CTTNBP2: variants seen among roughly 807,000 people sequenced by gnomAD.
CTTNBP2 encodes cortactin-binding protein 2.
A neutral mutation model predicts 156.9 loss-of-function variants in CTTNBP2; 108 were observed. That is an observed-to-expected ratio of 0.69 (90% CI 0.59 to 0.81). The LOEUF is 0.81. Ranked by LOEUF, CTTNBP2 falls within the 30% of genes least tolerant of loss-of-function variation. CTTNBP2 has a pLI of 0.00. For missense variants in CTTNBP2, 1,924 were observed against 2,035.4 expected (o/e 0.95, Z 1.05); for synonymous variants, 767 against 751.8 (o/e 1.02, Z -0.33).
chr7:117,811,081 G>T, intron 2 of CTTNBP2, 92 bp from the exon 3 acceptor site: 1 of 940,382 alleles, frequency 1.1e-6, no homozygotes, highest in Non-Finnish European at 1.6e-6. Flanking sequence ...ACTTCCAAAT[G>T]GTATTCTCAA....
intron 2 of CTTNBP2, among the ~76,000 whole-genome samples, chr7:117,817,441 G>A (rs1462523012): frequency 6.9e-6 from 1 of 144,186 alleles, no homozygotes; most frequent in African/African-American, 2.5e-5. Context: ...GTCGTAAGCA[G>A]GAAGTTGAAA....
chr7:117,712,291 A>G (rs1794104036), intron 22 of CTTNBP2: 1 of 152,526 alleles, frequency 6.6e-6, no homozygotes, highest in East Asian at 1.9e-4. Flanking sequence ...AGGCCACTCA[A>G]GATCTTCCAT....
chr7:117,782,999 T>G (rs753658120), intron 5 of CTTNBP2, 38 bp from the exon 6 acceptor site: 3 of 1,528,532 alleles, frequency 2.0e-6, no homozygotes, highest in Non-Finnish European at 2.7e-6. Context: ...AATTCCCCAT[T>G]TGGAGTTATG....
At chr7:117,799,807 T>C (rs1257237541) in intron 3 of CTTNBP2, among the ~76,000 whole-genome samples, 1 of 152,054 alleles carries the variant, frequency 6.6e-6, no homozygotes, top group Non-Finnish European at 1.5e-5. Flanking sequence ...TTAAGTAATA[T>C]AGCAAGATTA....
intron 19 of CTTNBP2, among the ~76,000 whole-genome samples, chr7:117,721,385 A>G (rs1160928819): frequency 6.6e-6 from 1 of 152,204 alleles, no homozygotes; most frequent in African/African-American, 2.4e-5. Flanking sequence ...CACTACCTGA[A>G]GCTCAAGTCA....
At chr7:117,798,391 C>G (rs1386657768) in intron 3 of CTTNBP2, among the ~76,000 whole-genome samples, 1 of 152,080 alleles carries the variant, frequency 6.6e-6, no homozygotes, top group East Asian at 1.9e-4. Context: ...AGACTGTGTT[C>G]TCTGACTAAA....
In CTTNBP2 at chr7:117,733,960, G is replaced by C. The variant is rs148863789; in HGVS notation, c.3876+953C>G. On this transcript the variant is annotated intron_variant, in intron 16 of 22. Coordinates refer to ENST00000160373, the MANE Select transcript of CTTNBP2 (RefSeq NM_033427.3). ...AGAGAAGTCTTATGTTTCTGGAAAA[G>C]TGCTTTCCTCCCTGATAAGGAAGAG... Among the ~76,000 whole-genome samples, 459 of 152,334 alleles carry C rather than the reference G, an allele frequency of 3.0e-3. 2 individuals carry two copies. Among genetic ancestry groups the C allele is most frequent in the African/African-American group, 0.011 (437 of 41,566 alleles).
At chr7:117,719,339 T>C (rs1794647136) in intron 21 of CTTNBP2, among the ~76,000 whole-genome samples, 165 bp downstream of exon 21, 1 of 152,220 alleles carries the variant, frequency 6.6e-6, no homozygotes, top group Non-Finnish European at 1.5e-5. Flanking sequence ...ATTGTATAAA[T>C]GATATTTAGG....
chr7:117,839,117 T>G (rs960813025), intron 2 of CTTNBP2, among the ~76,000 whole-genome samples: 2 of 152,086 alleles, frequency 1.3e-5, no homozygotes, highest in African/African-American at 4.8e-5. Context: ...CTACCTAAAG[T>G]GGGAACCTGC....
chr7:117,745,000 G>A (rs889620217), intron 14 of CTTNBP2, among the ~76,000 whole-genome samples: 11 of 152,098 alleles, frequency 7.2e-5, no homozygotes, highest in African/African-American at 2.4e-4. Context: ...CCTTCCCCAG[G>A]GGTCTCTGTG....
chr7:117,712,589 C>G (rs563504818), intron 22 of CTTNBP2, among the ~76,000 whole-genome samples: 1 of 152,172 alleles, frequency 6.6e-6, no homozygotes, highest in Non-Finnish European at 1.5e-5. Flanking sequence ...ATAACTTCTC[C>G]TCTTCAAAAG....
At chr7:117,718,272 T>G (rs957685725) in intron 21 of CTTNBP2, among the ~76,000 whole-genome samples, 153 bp from the exon 22 acceptor site, 1 of 152,100 alleles carries the variant, frequency 6.6e-6, no homozygotes, top group Non-Finnish European at 1.5e-5. Flanking sequence ...AAAGAAAGAC[T>G]TCAAGTCTTA....
intron 2 of CTTNBP2, among the ~76,000 whole-genome samples, chr7:117,813,435 C>A (rs1311549634): frequency 1.3e-5 from 2 of 152,126 alleles, no homozygotes; most frequent in Non-Finnish European, 2.9e-5. Flanking sequence ...ACCCATGAAG[C>A]CAAGCCCTGC....
chr7:117,722,868 A>G (rs62469450), intron 19 of CTTNBP2, among the ~76,000 whole-genome samples: 1 of 152,170 alleles, frequency 6.6e-6, no homozygotes, highest in African/African-American at 2.4e-5. Context: ...CAATTACAGA[A>G]CCGCATATTT....
intron 2 of CTTNBP2, among the ~76,000 whole-genome samples, chr7:117,826,676 G>C (rs1466857084): frequency 6.6e-6 from 1 of 151,744 alleles, no homozygotes; most frequent in Non-Finnish European, 1.5e-5. Context: ...ATCAACACTT[G>C]TGACATTAAT....
At chr7:117,777,880 G>T in intron 7 of CTTNBP2, 115 bp from the exon 8 acceptor site, 1 of 993,424 alleles carries the variant, frequency 1.0e-6, no homozygotes, top group Non-Finnish European at 1.5e-6. Context: ...GCTGGGAAAA[G>T]CAGGCATTCC....
chr7:117,815,938 C>A lies in CTTNBP2; in HGVS notation c.190-4949G>T, dbSNP rs551599784. Among the ~76,000 whole-genome samples the A allele has an allele frequency of 2.0e-5, 3 of 152,196 alleles. No individual in the cohort carries two copies. The East Asian group carries it at 5.8e-4, about 29-fold the overall frequency. ...CTTGTATTTAACTGACGCATCCAAC[C>A]CACTACAGGGCAAAAAACAGGTGCA... On this transcript the variant is annotated intron_variant, in intron 2 of 22. Coordinates refer to ENST00000160373, the MANE Select transcript of CTTNBP2 (RefSeq NM_033427.3).
chr7:117,812,509 C>G (rs556637895), intron 2 of CTTNBP2, among the ~76,000 whole-genome samples: 2 of 151,952 alleles, frequency 1.3e-5, no homozygotes, highest in African/African-American at 4.8e-5. Flanking sequence ...AAAAATCTAA[C>G]ATTTCTTTCC....
At chr7:117,806,394 G>C (rs754371265) in intron 3 of CTTNBP2, among the ~76,000 whole-genome samples, 5 of 152,194 alleles carry the variant, frequency 3.3e-5, no homozygotes, top group East Asian at 3.8e-4. Flanking sequence ...TGAGAAAGCA[G>C]AGTGCATATC....
Sources: gnomAD v4.1 joint callset for allele counts (sites outside exome capture counted in the v4.1 genomes callset) on GRCh38, gnomAD v4.1.1 for gene constraint, MANE v1.5 for transcripts, NCBI Gene and HGNC (gene_info 2026-07-23, HGNC 2026-07-21) for gene names.